OXR1: variants seen among roughly 807,000 people sequenced by gnomAD.
OXR1 encodes oxidation resistance 1, also known as oxidation resistance protein 1.
OXR1 carries 41 observed loss-of-function variants against 104.6 expected under a neutral mutation model. The ratio of observed to expected loss-of-function variants is 0.39; its 90% CI spans 0.31 to 0.51. The LOEUF (loss-of-function observed/expected upper bound fraction) is 0.51, where lower values mean the gene tolerates loss of function less well. Among genes scored for constraint, OXR1 ranks in the 20% least tolerant of loss-of-function variants. The pLI, the probability that OXR1 is intolerant of heterozygous loss-of-function variation, is 0.77. For missense variants in OXR1, 955 were observed against 1,031.9 expected (o/e 0.93, Z 1.02); for synonymous variants, 348 against 348.4 (o/e 1.00, Z 0.01).
intron 3 of OXR1, among the ~76,000 whole-genome samples, chr8:106,597,128 A>G (rs778006518): frequency 5.3e-5 from 8 of 152,168 alleles, no homozygotes; most frequent in Non-Finnish European, 1.2e-4. Flanking sequence ...ACAAAGAGGG[A>G]AAGTGCTATG....
intron 3 of OXR1, among the ~76,000 whole-genome samples, chr8:106,659,141 G>A (rs73699980): frequency 0.016 from 2,426 of 152,144 alleles, 36 homozygotes; most frequent in Admixed American, 0.047. Context: ...CTTTATTTTT[G>A]TAGAGATGGA....
intron 3 of OXR1, among the ~76,000 whole-genome samples, chr8:106,570,317 C>T (rs1402314266): frequency 1.3e-5 from 2 of 152,078 alleles, no homozygotes; most frequent in African/African-American, 4.8e-5. Flanking sequence ...CATAGTGCTC[C>T]GCTTTGTACT....
chr8:106,596,410 C>T (rs12114563), intron 3 of OXR1, among the ~76,000 whole-genome samples: 3,911 of 152,196 alleles, frequency 0.026, 169 homozygotes, highest in African/African-American at 0.09. Flanking sequence ...CACACCACTG[C>T]ACTCCAGCCT....
At chr8:106,425,516 A>AAAGAACCAGGG (rs1819078213) in intron 2 of OXR1, among the ~76,000 whole-genome samples, 1 of 152,222 alleles carries the variant, frequency 6.6e-6, no homozygotes, top group Admixed American at 6.5e-5. Context: ...TCAGCAAAGA[A>AAAGAACCAGGG]AAGAACCAGG....
chr8:106,591,965 C>T (rs770133451), intron 3 of OXR1, among the ~76,000 whole-genome samples: 6 of 152,164 alleles, frequency 3.9e-5, no homozygotes, highest in Non-Finnish European at 7.3e-5. Flanking sequence ...ACACTGCTGC[C>T]CCCTGCTGCC....
rs1190627597 is a variant in OXR1, at chr8:106,752,028, G to A, written c.*1087G>A. 1.3e-5 allele frequency: 2 copies of A among 152,370 alleles called. No homozygotes were observed. The highest frequency in any genetic ancestry group is 2.9e-5 in the Non-Finnish European group (2 of 67,908). The allele number at this position is 152,370 out of a possible 1,614,324, so 9.4% of individuals were successfully genotyped here. On this transcript the variant is annotated 3_prime_UTR_variant, in exon 17 of 17. Transcript: ENST00000517566. ...AGTGACCTCAAAAAAAAAATGAAAAGATAGAATACACTAGTAGTTCTTATC... is the reference window on the plus strand; with the variant it reads ...AGTGACCTCAAAAAAAAAATGAAAAAATAGAATACACTAGTAGTTCTTATC...
At chr8:106,496,871 T>C (rs1384002934) in intron 2 of OXR1, among the ~76,000 whole-genome samples, 1 of 152,122 alleles carries the variant, frequency 6.6e-6, no homozygotes, top group African/African-American at 2.4e-5. Flanking sequence ...GTGGGTGAAC[T>C]AGTGTGGCCC....
At chr8:106,347,990 G>C (rs1318349033) in intron 1 of OXR1, among the ~76,000 whole-genome samples, 1 of 152,146 alleles carries the variant, frequency 6.6e-6, no homozygotes, top group East Asian at 1.9e-4. Flanking sequence ...CATATATGAA[G>C]GGAACTGAAT....
chr8:106,433,839 T>C (rs945582449), intron 2 of OXR1, among the ~76,000 whole-genome samples: 1 of 152,228 alleles, frequency 6.6e-6, no homozygotes, highest in Non-Finnish European at 1.5e-5. Context: ...TTCTAAGCAA[T>C]GCTGAAAGGA....
intron 2 of OXR1, among the ~76,000 whole-genome samples, chr8:106,477,051 A>G (rs1407266690): frequency 6.6e-6 from 1 of 151,970 alleles, no homozygotes; most frequent in Non-Finnish European, 1.5e-5. Flanking sequence ...ATGGTGGGCA[A>G]CCCAGCTGCA....
At chr8:106,302,926 T>G (rs1374930561) in intron 1 of OXR1, among the ~76,000 whole-genome samples, 1 of 151,802 alleles carries the variant, frequency 6.6e-6, no homozygotes, top group African/African-American at 2.4e-5. Context: ...TAATTTTTTT[T>G]GTATTTTTAG....
At position 106,316,728 on chromosome 8, in the gene OXR1, CTATCTATCT is replaced by C. The variant is rs1563714015; in HGVS notation, c.-138-42747_-138-42739del. Among the ~76,000 whole-genome samples the C allele has an allele frequency of 4.3e-3, 414 of 96,626 alleles. 1 individual carries two copies. Among genetic ancestry groups the C allele is most frequent in the Non-Finnish European group, 6.4e-3 (298 of 46,256 alleles). The allele number at this position is 96,626 out of a possible 152,430, so 63.4% of individuals were successfully genotyped here. Reference sequence around the variant, plus strand: ...ATCTATCTATCTATCATCTATCTATCTATCTATCTATCTATCTATCTATCTATCTATCTA... The same window carrying C: ...ATCTATCTATCTATCATCTATCTATCATCTATCTATCTATCTATCTATCTA... On this transcript the variant is annotated intron_variant, in intron 1 of 16. Transcript: ENST00000517566.
At chr8:106,467,513 A>G (rs1030677086) in intron 2 of OXR1, among the ~76,000 whole-genome samples, 2 of 151,858 alleles carry the variant, frequency 1.3e-5, no homozygotes, top group African/African-American at 4.8e-5. Context: ...TCTGGCCTCC[A>G]TATCTCACAG....
intron 3 of OXR1, among the ~76,000 whole-genome samples, chr8:106,595,842 G>A (rs745502266): frequency 5.3e-5 from 8 of 152,126 alleles, no homozygotes; most frequent in Non-Finnish European, 1.0e-4. Context: ...ACACATTTGA[G>A]TATTTTTGGA....
At chr8:106,411,830 G>C (rs1269110420) in intron 2 of OXR1, among the ~76,000 whole-genome samples, 1 of 152,128 alleles carries the variant, frequency 6.6e-6, no homozygotes, top group Non-Finnish European at 1.5e-5. Context: ...ATTCAGGACT[G>C]AGTGAGTGCT....
intron 2 of OXR1, among the ~76,000 whole-genome samples, chr8:106,382,692 T>G (rs1420808715): frequency 1.4e-5 from 2 of 145,746 alleles, no homozygotes; most frequent in Admixed American, 6.8e-5. Context: ...GTTTTTTTTT[T>G]TTTTTTTTTT....
At chr8:106,575,238 A>G (rs1221376453) in intron 3 of OXR1, among the ~76,000 whole-genome samples, 1 of 152,138 alleles carries the variant, frequency 6.6e-6, no homozygotes, top group Non-Finnish European at 1.5e-5. Context: ...TGTATTTATT[A>G]ATATAGAATC....
At chr8:106,740,958 G>A (rs145760909) in intron 14 of OXR1, among the ~76,000 whole-genome samples, 8 of 152,136 alleles carry the variant, frequency 5.3e-5, no homozygotes, top group Non-Finnish European at 1.0e-4. Flanking sequence ...AGTTGTAATT[G>A]GAAACTAATG....
chr8:106,378,760 C>T (rs1056771889), intron 2 of OXR1, among the ~76,000 whole-genome samples: 9 of 152,172 alleles, frequency 5.9e-5, no homozygotes, highest in African/African-American at 9.7e-5. Flanking sequence ...CCACCCACCT[C>T]GGCCTCCCAA....
Sources: allele counts gnomAD v4.1 joint callset (sites outside exome capture counted in the v4.1 genomes callset), GRCh38; gene constraint gnomAD v4.1.1; transcripts MANE v1.5; gene names NCBI Gene and HGNC (gene_info 2026-07-23, HGNC 2026-07-21).